The following GRID2 variants were observed in gnomAD, a reference collection of about 807,000 sequenced individuals.
The protein encoded by GRID2 is glutamate receptor ionotropic, delta-2.
Under a neutral mutation model 114.8 loss-of-function variants are expected in GRID2, and 33 were observed. The observed-to-expected ratio is 0.29, with a 90% CI of 0.22 to 0.38. The LOEUF is 0.38. Among genes scored for constraint, GRID2 ranks in the 10% least tolerant of loss-of-function variants. The pLI, the probability that GRID2 is intolerant of heterozygous loss-of-function variation, is 1.00. For missense variants in GRID2, 1,184 were observed against 1,257.7 expected, an observed-to-expected ratio of 0.94 and a Z score of 0.89; for synonymous variants, 505 against 449.9, an observed-to-expected ratio of 1.12 and a Z score of -1.55.
rs150541669 is a variant in GRID2, at chr4:93,395,728, C to A, written c.1347+20C>A. On this transcript the variant is annotated intron_variant, in intron 9 of 15. Transcript: ENST00000282020. ...GTTCTGGTAAGTATTATCTGAGCCT[C>A]GTGGTTTTGACTTTTGGAGGTTACT... is the stretch of plus-strand genomic sequence containing the variant. 2 of 1,114,916 alleles carry A rather than the reference C, an allele frequency of 1.8e-6. No individual in the cohort carries two copies. The highest frequency in any genetic ancestry group is 2.4e-5 in the East Asian group (1 of 41,936). 69.1% of individuals were successfully genotyped at this position (1,114,916 alleles called of 1,614,324 possible). A position where few individuals can be genotyped will look rare whatever the true frequency, so the allele number is the denominator to read the frequency against.
intron 2 of GRID2, among the ~76,000 whole-genome samples, chr4:92,999,265 A>G (rs377751522): frequency 5.9e-5 from 9 of 151,870 alleles, no homozygotes; most frequent in African/African-American, 2.2e-4. Context: ...TGCACCATGT[A>G]TAGAACTTTG....
chr4:92,526,985 A>G (rs1256038149), intron 1 of GRID2, among the ~76,000 whole-genome samples: 1 of 151,886 alleles, frequency 6.6e-6, no homozygotes, highest in Admixed American at 6.6e-5. Flanking sequence ...ATCTTTAGAG[A>G]TCTCTATTTT....
At chr4:93,688,776 C>T (rs1337309956) in intron 14 of GRID2, among the ~76,000 whole-genome samples, 1 of 151,942 alleles carries the variant, frequency 6.6e-6, no homozygotes, top group Non-Finnish European at 1.5e-5. Context: ...TTATACTGTC[C>T]ATTTACACAG....
intron 2 of GRID2, among the ~76,000 whole-genome samples, chr4:92,725,169 C>A (rs1736011099): frequency 6.6e-6 from 1 of 152,046 alleles, no homozygotes; most frequent in Admixed American, 6.6e-5. Flanking sequence ...AGTGTGTTGG[C>A]ACATGCCTGT....
At chr4:92,409,621 G>A (rs927503651) in intron 1 of GRID2, among the ~76,000 whole-genome samples, 3 of 151,938 alleles carry the variant, frequency 2.0e-5, no homozygotes, top group Non-Finnish European at 2.9e-5. Context: ...TGGTATGACC[G>A]AACATACAAT....
intron 2 of GRID2, among the ~76,000 whole-genome samples, chr4:92,765,764 C>T (rs1476214400): frequency 6.6e-6 from 1 of 152,074 alleles, no homozygotes; most frequent in Non-Finnish European, 1.5e-5. Flanking sequence ...CTGGTGGTGC[C>T]CTCACTTTAT....
At chr4:93,231,679 T>C (rs1350689403) in intron 7 of GRID2, among the ~76,000 whole-genome samples, 1 of 152,130 alleles carries the variant, frequency 6.6e-6, no homozygotes, top group Non-Finnish European at 1.5e-5. Flanking sequence ...AAACTAGAAA[T>C]GTCTAAGTTC....
intron 2 of GRID2, among the ~76,000 whole-genome samples, chr4:92,592,473 C>CT (rs548763218): frequency 6.6e-5 from 10 of 151,098 alleles, no homozygotes; most frequent in East Asian, 3.9e-4. Context: ...AATACTACAC[C>CT]TTTTTTTTTG....
chr4:93,715,063 G>A (rs947559170), intron 14 of GRID2, among the ~76,000 whole-genome samples: 5 of 152,022 alleles, frequency 3.3e-5, no homozygotes, highest in Non-Finnish European at 5.9e-5. Context: ...TATAGTTTTG[G>A]GTTTTACATT....
chr4:92,894,713 T>G (rs1041518654), intron 2 of GRID2, among the ~76,000 whole-genome samples: 1 of 152,128 alleles, frequency 6.6e-6, no homozygotes, highest in Non-Finnish European at 1.5e-5. Context: ...AGCAAAATAA[T>G]AAGATTGTTG....
chr4:93,257,881 A>C (rs1249159296), intron 8 of GRID2, among the ~76,000 whole-genome samples: 5 of 151,114 alleles, frequency 3.3e-5, no homozygotes. Flanking sequence ...CTTATTGCTG[A>C]ATAAAGGATT....
chr4:93,634,795 AG>A (rs2149703825), intron 14 of GRID2, among the ~76,000 whole-genome samples: 1 of 152,286 alleles, frequency 6.6e-6, no homozygotes, highest in South Asian at 2.1e-4. Flanking sequence ...TTAGAAAAAA[AG>A]ATAAGTTTGG....
At chr4:93,491,603 C>T (rs1419395942) in intron 12 of GRID2, among the ~76,000 whole-genome samples, 1 of 151,716 alleles carries the variant, frequency 6.6e-6, no homozygotes, top group African/African-American at 2.4e-5. Context: ...TTATTCATCC[C>T]CAAACAAGGT....
At chr4:92,489,353 A>G (rs190337997) in intron 1 of GRID2, among the ~76,000 whole-genome samples, 1 of 152,352 alleles carries the variant, frequency 6.6e-6, no homozygotes, top group Admixed American at 6.5e-5. Flanking sequence ...ATATAATTAG[A>G]TACATCAAAA....
At chr4:92,497,487 A>G (rs1243233952) in intron 1 of GRID2, among the ~76,000 whole-genome samples, 1 of 151,864 alleles carries the variant, frequency 6.6e-6, no homozygotes, top group Non-Finnish European at 1.5e-5. Flanking sequence ...GAGAATACAA[A>G]TTTTAGTATA....
chr4:93,313,902 A>G (rs1054894382), intron 8 of GRID2, among the ~76,000 whole-genome samples: 4 of 152,196 alleles, frequency 2.6e-5, no homozygotes, highest in African/African-American at 9.7e-5. Flanking sequence ...GATTGTGCAA[A>G]ATCAGCCCTA....
chr4:93,131,145 A>ATTTTT lies in GRID2; in HGVS notation c.735+20212_735+20216dup, dbSNP rs34215461. Among the ~76,000 whole-genome samples, 47 of 88,744 alleles carry ATTTTT rather than the reference A, an allele frequency of 5.3e-4. 2 individuals are homozygous for ATTTTT. Among genetic ancestry groups the ATTTTT allele is most frequent in the African/African-American group, 2.0e-3 (38 of 19,072 alleles). 58.2% of individuals were successfully genotyped at this position (88,744 alleles called of 152,430 possible). The stretch of plus-strand genomic sequence containing the variant: ...AGAACTTCCATGAAAAGATTAAATA[A>ATTTTT]TTTTTTTTTTTTTTTTTTTTTTTTG... On this transcript the variant is annotated intron_variant, in intron 4 of 15. Coordinates refer to ENST00000282020, the MANE Select transcript of GRID2 (RefSeq NM_001510.4).
At chr4:92,971,174 G>T (rs1753490300) in intron 2 of GRID2, among the ~76,000 whole-genome samples, 1 of 151,958 alleles carries the variant, frequency 6.6e-6, no homozygotes, top group Non-Finnish European at 1.5e-5. Context: ...GCAATGATAG[G>T]ATAAGCTTTA....
intron 11 of GRID2, among the ~76,000 whole-genome samples, chr4:93,457,709 G>A (rs1292337354): frequency 6.6e-6 from 1 of 152,122 alleles, no homozygotes; most frequent in African/African-American, 2.4e-5. Flanking sequence ...CTATAGCGTG[G>A]TGTGGGGGTC....
Sources: gnomAD v4.1 joint callset for allele counts (sites outside exome capture counted in the v4.1 genomes callset) on GRCh38, gnomAD v4.1.1 for gene constraint, MANE v1.5 for transcripts, NCBI Gene and HGNC (gene_info 2026-07-23, HGNC 2026-07-21) for gene names.